The following ARAP2 variants were observed in gnomAD, a reference collection of about 807,000 sequenced individuals.
ARAP2 encodes the protein arf-GAP with Rho-GAP domain, ANK repeat and PH domain-containing protein 2.
Under a neutral mutation model 194.5 loss-of-function variants are expected in ARAP2, and 148 were observed. The ratio of observed to expected loss-of-function variants is 0.76; its 90% CI spans 0.67 to 0.87. The LOEUF is 0.87. ARAP2 is among the 40% of genes least tolerant of loss of function. ARAP2 has a pLI of 0.00. For synonymous variants in ARAP2, 695 were observed against 683.5 expected, an observed-to-expected ratio of 1.02 and a Z score of -0.26; for missense variants, 2,128 against 1,989.7, an observed-to-expected ratio of 1.07 and a Z score of -1.32.
chr4:36,070,725 A>G (rs1286657540), intron 32 of ARAP2, among the ~76,000 whole-genome samples: 1 of 152,204 alleles, frequency 6.6e-6, no homozygotes, highest in East Asian at 1.9e-4. Flanking sequence ...AACTCTCTTA[A>G]TTGGCTTTCA....
At chr4:36,148,284 G>T in intron 17 of ARAP2, 121 bp downstream of exon 17, 1 of 658,848 alleles carries the variant, frequency 1.5e-6, no homozygotes, top group Non-Finnish European at 2.5e-6. Flanking sequence ...AAAATCTAAT[G>T]AAGTATGAAC....
At chr4:36,086,598 A>G (rs1711931130) in intron 28 of ARAP2, among the ~76,000 whole-genome samples, 1 of 152,130 alleles carries the variant, frequency 6.6e-6, no homozygotes, top group Admixed American at 6.6e-5. Context: ...CTCTTTTGGT[A>G]TGTGTAACTT....
chr4:36,184,835 T>C (rs935869963), intron 8 of ARAP2, among the ~76,000 whole-genome samples: 8 of 152,182 alleles, frequency 5.3e-5, no homozygotes, highest in African/African-American at 1.2e-4. Flanking sequence ...ACTGTCATAA[T>C]AGTCATTCAA....
intron 5 of ARAP2, among the ~76,000 whole-genome samples, chr4:36,023,825 T>C (rs1359274614): frequency 3.3e-5 from 5 of 152,194 alleles, no homozygotes; most frequent in African/African-American, 1.2e-4. Flanking sequence ...TTTATTGTCC[T>C]GTAATAAACT....
chr4:36,022,808 G>A (rs1255995221), intron 5 of ARAP2, among the ~76,000 whole-genome samples: 1 of 152,106 alleles, frequency 6.6e-6, no homozygotes, highest in Non-Finnish European at 1.5e-5. Context: ...CAGTGAACAA[G>A]GATAACAGAG....
At chr4:36,156,545 C>T (rs1474201631) in intron 15 of ARAP2, among the ~76,000 whole-genome samples, 1 of 151,668 alleles carries the variant, frequency 6.6e-6, no homozygotes, top group African/African-American at 2.4e-5. Context: ...AAAGATAAGC[C>T]TCTTTTTTGG....
chr4:36,148,344 A>T lies in ARAP2; in HGVS notation c.3000+61T>A. 1.4e-5 allele frequency: 18 copies of T among 1,304,406 alleles called. No individual in the cohort carries two copies. In the South Asian group the frequency reaches 2.3e-4, roughly 17 times the overall value. The allele number at this position is 1,304,406 out of a possible 1,614,324, so 80.8% of individuals were successfully genotyped here. The stretch of plus-strand genomic sequence containing the variant: ...ACTTTCATGGACCCCTGAAGCTCAA[A>T]CACAGACTCCCAGTTCACAATCTTC... On this transcript the variant is annotated intron_variant, in intron 17 of 32. Transcript: ENST00000303965.
chr4:36,082,193 C>G, intron 30 of ARAP2, 58 bp downstream of exon 30: 1 of 1,490,300 alleles, frequency 6.7e-7, no homozygotes, highest in Non-Finnish European at 9.2e-7. Flanking sequence ...TGAAATTATT[C>G]TTTTCCTGAA....
At chr4:36,070,895 A>G (rs1726696798) in intron 32 of ARAP2, among the ~76,000 whole-genome samples, 1 of 152,194 alleles carries the variant, frequency 6.6e-6, no homozygotes, top group Admixed American at 6.5e-5. Flanking sequence ...AAACTCAAAG[A>G]AAAAAATTTG....
At chr4:36,095,697 AATTTGT>A (rs1380695037) in intron 27 of ARAP2, among the ~76,000 whole-genome samples, 7 of 152,142 alleles carry the variant, frequency 4.6e-5, no homozygotes, top group African/African-American at 1.7e-4. Flanking sequence ...GAGAACATCA[AATTTGT>A]ATTTGTTTTT....
At chr4:36,201,397 T>C (rs930135018) in intron 6 of ARAP2, among the ~76,000 whole-genome samples, 11 of 152,174 alleles carry the variant, frequency 7.2e-5, no homozygotes, top group Admixed American at 7.2e-4. Flanking sequence ...TATATGTGAG[T>C]TCAGTCTTGC....
intron 2 of ARAP2, among the ~76,000 whole-genome samples, chr4:36,053,100 C>T (rs906740238): frequency 4.0e-5 from 6 of 151,616 alleles, no homozygotes; most frequent in African/African-American, 1.4e-4. Context: ...CTCCGCCTCC[C>T]GGGTTCAAGC....
At chr4:36,082,964 A>G (rs1729927053) in intron 29 of ARAP2, among the ~76,000 whole-genome samples, 1 of 152,120 alleles carries the variant, frequency 6.6e-6, no homozygotes, top group African/African-American at 2.4e-5. Context: ...AACATTGTAG[A>G]AGCCAAGCAT....
intron 5 of ARAP2, among the ~76,000 whole-genome samples, chr4:36,037,273 C>T (rs1034905187): frequency 3.9e-5 from 6 of 152,176 alleles, no homozygotes; most frequent in African/African-American, 1.4e-4. Flanking sequence ...AGGCAGTCAG[C>T]AGCCTTGTAA....
At chr4:36,135,479 C>T (rs1262903711) in intron 19 of ARAP2, among the ~76,000 whole-genome samples, 4 of 151,646 alleles carry the variant, frequency 2.6e-5, no homozygotes, top group African/African-American at 4.8e-5. Context: ...TGCTTTTTGA[C>T]GTCTTTATCT....
intron 27 of ARAP2, among the ~76,000 whole-genome samples, chr4:36,094,760 C>T (rs1474739138): frequency 1.3e-5 from 2 of 152,068 alleles, no homozygotes; most frequent in Admixed American, 6.6e-5. Context: ...CTGTGCTAGC[C>T]CTTTCCATGA....
intron 8 of ARAP2, among the ~76,000 whole-genome samples, chr4:36,179,691 AAGC>A (rs1738787545): frequency 6.6e-6 from 1 of 152,208 alleles, no homozygotes; most frequent in Non-Finnish European, 1.5e-5. Flanking sequence ...GAGGAAGAGA[AAGC>A]AGAGCCCAGT....
At chr4:36,203,797 A>G (rs938360816) in intron 6 of ARAP2, among the ~76,000 whole-genome samples, 1 of 152,164 alleles carries the variant, frequency 6.6e-6, no homozygotes, top group African/African-American at 2.4e-5. Context: ...ATTTTACTCT[A>G]AATTGACAGC....
intron 5 of ARAP2, among the ~76,000 whole-genome samples, chr4:36,042,188 A>C (rs114172531): frequency 0.022 from 3,382 of 152,300 alleles, 61 homozygotes; most frequent in Middle Eastern, 0.061. Flanking sequence ...GTTAAAAAAA[A>C]CAGACAAAAA....
Sources: gnomAD v4.1 joint callset for allele counts (sites outside exome capture counted in the v4.1 genomes callset) on GRCh38, gnomAD v4.1.1 for gene constraint, MANE v1.5 for transcripts, NCBI Gene and HGNC (gene_info 2026-07-23, HGNC 2026-07-21) for gene names.